The following CEP170 variants were observed in gnomAD, a reference collection of about 807,000 sequenced individuals.
CEP170 encodes centrosomal protein of 170 kDa.
CEP170 carries 21 observed loss-of-function variants against 151.9 expected under a neutral mutation model. The observed-to-expected ratio is 0.14, with a 90% CI of 0.10 to 0.20. CEP170 has a LOEUF of 0.20. Among genes scored for constraint, CEP170 ranks in the 10% least tolerant of loss-of-function variants. The pLI is 1.00. For missense variants in CEP170, 964 were observed against 1,892.9 expected, an observed-to-expected ratio of 0.51 and a Z score of 9.11; for synonymous variants, 356 against 648.8, an observed-to-expected ratio of 0.55 and a Z score of 6.86.
At chr1:243,170,584 A>G (rs1268394961) in intron 11 of CEP170, among the ~76,000 whole-genome samples, 1 of 152,184 alleles carries the variant, frequency 6.6e-6, no homozygotes, top group African/African-American at 2.4e-5. Flanking sequence ...ACCTGAGGTC[A>G]GGAGTTCGAG....
intron 14 of CEP170, among the ~76,000 whole-genome samples, chr1:243,142,672 T>C (rs961989919): frequency 7.2e-5 from 11 of 152,154 alleles, no homozygotes; most frequent in Admixed American, 6.5e-4. Flanking sequence ...CTACAAGATA[T>C]CACCTTGAAA....
intron 8 of CEP170, among the ~76,000 whole-genome samples, chr1:243,190,556 G>A (rs1480205036): frequency 1.3e-5 from 2 of 152,072 alleles, no homozygotes. Flanking sequence ...ATACTTTGAA[G>A]CGCTCCATCA....
rs371566416 is a variant in CEP170, at chr1:243,125,239, A to T, written c.*1210T>A. 4.6e-5 allele frequency: 7 copies of T among 152,660 alleles called. No individual in the cohort carries two copies. The East Asian group carries it at 9.6e-4, about 21-fold the overall frequency. The allele number at this position is 152,660 out of a possible 1,614,324, so 9.5% of individuals were successfully genotyped here. Reference sequence around the variant, plus strand: ...TCTTTTTAAAATTATCCAAATGTGAACTTACTGGAAAGAGAAAAAACAAGT... The same window carrying T: ...TCTTTTTAAAATTATCCAAATGTGATCTTACTGGAAAGAGAAAAAACAAGT... On this transcript the variant is annotated 3_prime_UTR_variant, in exon 20 of 20. Transcript: ENST00000366542.
intron 14 of CEP170, among the ~76,000 whole-genome samples, chr1:243,148,278 G>A (rs1187395922): frequency 6.6e-6 from 1 of 151,508 alleles, no homozygotes; most frequent in African/African-American, 2.4e-5. Context: ...AATTTATTTG[G>A]TATCAGTATC....
chr1:243,233,256 T>A (rs533562963), intron 1 of CEP170, among the ~76,000 whole-genome samples: 1 of 152,312 alleles, frequency 6.6e-6, no homozygotes, highest in African/African-American at 2.4e-5. Flanking sequence ...AAAGCTATCA[T>A]TAACTTTAAA....
At chr1:243,166,362 T>C (rs1290966457) in intron 12 of CEP170, among the ~76,000 whole-genome samples, 1 of 152,140 alleles carries the variant, frequency 6.6e-6, no homozygotes, top group Non-Finnish European at 1.5e-5. Flanking sequence ...CCTAATACAA[T>C]GTAAAAGCTA....
At chr1:243,226,255 GTA>G (rs1206426790) in intron 1 of CEP170, among the ~76,000 whole-genome samples, 15 of 147,150 alleles carry the variant, frequency 1.0e-4, no homozygotes, top group African/African-American at 5.0e-5. Flanking sequence ...ATATATGTAT[GTA>G]TATATATAGT....
intron 14 of CEP170, among the ~76,000 whole-genome samples, chr1:243,145,790 TAA>T (rs1342292677): frequency 4.6e-5 from 7 of 152,210 alleles, no homozygotes; most frequent in Non-Finnish European, 8.8e-5. Flanking sequence ...TAACATGGGC[TAA>T]GAGATCATAA....
chr1:243,240,519 G>A lies in CEP170; in HGVS notation c.-42+14521C>T, dbSNP rs568740899. ...GGCTCTTAGACCTGGAATCACTTGC[G>A]GAGATTTTTACACACAGGAACACTT... On this transcript the variant is annotated intron_variant, in intron 1 of 19. Transcript: ENST00000366542. Among the ~76,000 whole-genome samples, 15 of 152,126 alleles carry A rather than the reference G, an allele frequency of 9.9e-5. No individual in the cohort carries two copies. In the East Asian group the frequency reaches 2.7e-3, roughly 27 times the overall value.
chr1:243,137,323 A>G (rs1190142845), intron 16 of CEP170, among the ~76,000 whole-genome samples: 1 of 152,260 alleles, frequency 6.6e-6, no homozygotes. Flanking sequence ...CCAGAGCCTG[A>G]AAGAAAACAG....
At chr1:243,243,455 C>T (rs1255809048) in intron 1 of CEP170, among the ~76,000 whole-genome samples, 1 of 152,052 alleles carries the variant, frequency 6.6e-6, no homozygotes, top group African/African-American at 2.4e-5. Context: ...CTAAATAGCT[C>T]TTTAGCTTAA....
intron 1 of CEP170, among the ~76,000 whole-genome samples, chr1:243,227,260 A>G (rs1049610414): frequency 1.0e-4 from 14 of 136,420 alleles, no homozygotes; most frequent in African/African-American, 3.6e-4. Context: ...AAATATTATC[A>G]TTGGTCAAAA....
At chr1:243,152,121 T>C (rs1206788489) in intron 14 of CEP170, among the ~76,000 whole-genome samples, 1 of 152,210 alleles carries the variant, frequency 6.6e-6, no homozygotes, top group African/African-American at 2.4e-5. Context: ...ACAATGTACC[T>C]GGTTACCTAA....
chr1:243,139,494 G>A (rs1420197313), intron 16 of CEP170, among the ~76,000 whole-genome samples: 2 of 151,218 alleles, frequency 1.3e-5, no homozygotes, highest in African/African-American at 4.9e-5. Context: ...TTTGTAACTT[G>A]TATTTCTACC....
intron 3 of CEP170, among the ~76,000 whole-genome samples, chr1:243,217,514 G>A (rs189728588): frequency 6.7e-4 from 102 of 152,266 alleles, no homozygotes; most frequent in African/African-American, 2.3e-3. Flanking sequence ...TTCAGAGATC[G>A]AGAAACATAT....
intron 15 of CEP170, among the ~76,000 whole-genome samples, chr1:243,141,311 C>CA (rs1005477578): frequency 2.0e-5 from 3 of 152,174 alleles, no homozygotes; most frequent in Non-Finnish European, 2.9e-5. Flanking sequence ...ATCTCTGTCT[C>CA]AACTACTCAG....
chr1:243,148,122 T>A (rs1416102362), intron 14 of CEP170, among the ~76,000 whole-genome samples: 1 of 151,930 alleles, frequency 6.6e-6, no homozygotes, highest in Non-Finnish European at 1.5e-5. Context: ...GAGGTTGCAG[T>A]GAGCCGAGAT....
intron 7 of CEP170, among the ~76,000 whole-genome samples, chr1:243,195,300 T>C (rs923305653): frequency 6.6e-6 from 1 of 152,006 alleles, no homozygotes; most frequent in Non-Finnish European, 1.5e-5. Flanking sequence ...AGGCCTTTAA[T>C]TATAACCTAA....
chr1:243,219,102 G>A (rs1004680017), intron 3 of CEP170, among the ~76,000 whole-genome samples: 3 of 152,094 alleles, frequency 2.0e-5, no homozygotes, highest in Admixed American at 6.6e-5. Flanking sequence ...AGACCTTTGT[G>A]GCATGTTTCT....
Sources: allele counts gnomAD v4.1 joint callset (sites outside exome capture counted in the v4.1 genomes callset), GRCh38; gene constraint gnomAD v4.1.1; transcripts MANE v1.5; gene names NCBI Gene and HGNC (gene_info 2026-07-23, HGNC 2026-07-21).